OTOF: variants seen among roughly 807,000 people sequenced by gnomAD.
OTOF encodes the protein otoferlin.
A neutral mutation model predicts 236.8 loss-of-function variants in OTOF; 218 were observed. That is an observed-to-expected ratio of 0.92 (90% confidence interval 0.82 to 1.03). OTOF has a LOEUF of 1.03. OTOF is among the 50% of genes least tolerant of loss of function. OTOF has a pLI of 0.00. For missense variants in OTOF, 2,590 were observed against 2,694.4 expected, an observed-to-expected ratio of 0.96 and a Z score of 0.86; for synonymous variants, 1,041 against 1,072.5, an observed-to-expected ratio of 0.97 and a Z score of 0.57.
intron 1 of OTOF, among the ~76,000 whole-genome samples, chr2:26,539,155 C>T (rs562313480): frequency 3.3e-5 from 5 of 152,142 alleles, no homozygotes; most frequent in African/African-American, 9.6e-5. Context: ...GGTACAATTT[C>T]GCACAAGAAA....
chr2:26,531,994 G>T (rs2148117068), intron 2 of OTOF, among the ~76,000 whole-genome samples: 1 of 150,822 alleles, frequency 6.6e-6, no homozygotes, highest in South Asian at 2.1e-4. Flanking sequence ...TTGGGAGGCT[G>T]AGGCAGGAGA....
At chr2:26,531,289 C>T (rs111682250) in intron 2 of OTOF, among the ~76,000 whole-genome samples, 1 of 152,154 alleles carries the variant, frequency 6.6e-6, no homozygotes, top group Non-Finnish European at 1.5e-5. Context: ...TGGGAGTCTC[C>T]GTGGTGTTGC....
At position 26,518,082 on chromosome 2, in the gene OTOF, T is replaced by C. The variant is rs756014029; in HGVS notation, c.327+928A>G. 3.8e-4 allele frequency among the ~76,000 whole-genome samples: 58 copies of C among 152,324 alleles called. 1 individual carries two copies. Among genetic ancestry groups the C allele is most frequent in the Admixed American group, 9.2e-4 (14 of 15,298 alleles). On this transcript the variant is annotated intron_variant, in intron 4 of 46. Transcript: ENST00000272371. ...TGGGAGAAGAGGGTTCCTTCTGTTC[T>C]AGCTCCCTGTGGCTGCAGTCCTGGC...
chr2:26,556,145 C>T (rs1037073819), intron 1 of OTOF, among the ~76,000 whole-genome samples: 1 of 152,228 alleles, frequency 6.6e-6, no homozygotes, highest in African/African-American at 2.4e-5. Context: ...AGGGCTCCCT[C>T]ACCACCTCCC....
At chr2:26,482,681 GA>G in intron 13 of OTOF, 89 bp from the exon 14 acceptor site, 4 of 1,105,494 alleles carry the variant, frequency 3.6e-6, no homozygotes, top group Non-Finnish European at 5.4e-6. Context: ...ATGTGTGCGT[GA>G]GTGGGCACAT....
intron 1 of OTOF, among the ~76,000 whole-genome samples, chr2:26,541,083 TAGA>T (rs893600817): frequency 2.6e-5 from 4 of 152,188 alleles, no homozygotes; most frequent in Admixed American, 6.5e-5. Context: ...CTTTGCATCC[TAGA>T]AGATTTTAAT....
chr2:26,527,118 A>G (rs1049911383), intron 3 of OTOF, among the ~76,000 whole-genome samples: 1 of 152,246 alleles, frequency 6.6e-6, no homozygotes, highest in Non-Finnish European at 1.5e-5. Flanking sequence ...TAACGCTCGT[A>G]TGGCAGGTGT....
chr2:26,470,717 T>C lies in OTOF; in HGVS notation c.3899A>G (p.Glu1300Gly). Reference protein sequence around the residue: ...SEAVVKVDVAEEEKEKKKKKK... With the variant: ...SEAVVKVDVAGEEKEKKKKKK... ...CTTCTTCTTCTTCTCCTTCTCCTCCTCAGCCTGCAGGTTGGCCAGGTCCAG... is the reference window on the plus strand; with the variant it reads ...CTTCTTCTTCTTCTCCTTCTCCTCCCCAGCCTGCAGGTTGGCCAGGTCCAG... Residue 1300 changes from glutamate to glycine, a missense_variant, in exon 32 of 47, where the codon GAG becomes GGG. Glu to Gly is a moderately conservative substitution (Grantham distance 98). Around this residue, in one of 2 missense-constraint regions of OTOF, gnomAD observed 1,211 missense variants for 1,352.8 expected, o/e 0.90. Transcript: ENST00000272371. This position sits in a 1 kb window ranked among gnomAD's most constrained non-coding sequence, Gnocchi z 4.3. The C allele has an allele frequency of 6.2e-7, 1 of 1,613,240 alleles. No individual in the cohort carries two copies. The highest frequency in any genetic ancestry group is 8.5e-7 in the Non-Finnish European group (1 of 1,179,966).
intron 5 of OTOF, among the ~76,000 whole-genome samples, chr2:26,507,763 A>C (rs1006737055): frequency 2.0e-5 from 3 of 152,254 alleles, no homozygotes; most frequent in Non-Finnish European, 1.5e-5. Context: ...CTGAGGATTT[A>C]GAATCCGTTT....
rs1664258517 is a variant in OTOF, at chr2:26,457,853, G to A, written c.*385C>T. The A allele has an allele frequency of 1.6e-6, 1 of 624,678 alleles. No homozygotes were observed. The highest frequency in any genetic ancestry group is 2.8e-6 in the Non-Finnish European group (1 of 358,010). The allele number at this position is 624,678 out of a possible 1,614,324, so 38.7% of individuals were successfully genotyped here. A position where few individuals can be genotyped will look rare whatever the true frequency, so the allele number is the denominator to read the frequency against. ...CCACAGGCAGGGGTCAGAGGGGCGG[G>A]ACTGGGCAAGCCGCAGCCTGGGGCA... On this transcript the variant is annotated 3_prime_UTR_variant, in exon 47 of 47. Transcript: ENST00000272371. The surrounding 1 kb of genome is among the most constrained non-coding windows in gnomAD (Gnocchi z 4.4).
At position 26,479,323 on chromosome 2, in the gene OTOF, G is replaced by T. The variant is rs746632875; in HGVS notation, c.2155C>A (p.Pro719Thr). ...KPCIYIKSWW[P>T]DQRRRLYNAN... ...TTGTAGAGGCGGCGGCGCTGGTCCG[G>T]CCACCAGCTCTTGATGTAGATGCAG... is the stretch of plus-strand genomic sequence containing the variant. The change falls in exon 18 of 47, where the codon CCG becomes ACG. Residue 719 changes from proline (P) to threonine (T), a missense_variant. Physicochemically the swap from Pro to Thr is conservative, Grantham distance 38. Around this residue, in one of 2 missense-constraint regions of OTOF, gnomAD observed 1,379 missense variants for 1,341.6 expected, o/e 1.03. Transcript: ENST00000272371. The T allele has an allele frequency of 6.2e-7, 1 of 1,612,464 alleles. No homozygotes were observed. Among genetic ancestry groups the T allele is most frequent in the Admixed American group, 1.7e-5 (1 of 59,932 alleles).
Position 26,480,281 on chromosome 2 carries a change from G to C in OTOF, c.1834C>G (p.Leu612Val). ...SCAGKMEEFF[L>V]FGAFLEASMI... ...GAGGCCTCCAGGAAGGCTCCAAAGA[G>C]AAAGAATTCTTCCATTTTACCTGCA... Residue 612 changes from leucine (L) to valine (V), a missense_variant, in exon 16 of 47, where the codon CTC becomes GTC. Physicochemically the swap from Leu to Val is conservative, Grantham distance 32. This residue lies in a region of OTOF where 1,379 missense variants were observed against 1,341.6 expected (regional missense o/e 1.03). Transcript: ENST00000272371. The C allele has an allele frequency of 6.2e-7, 1 of 1,611,878 alleles. No homozygotes were observed. The highest frequency in any genetic ancestry group is 8.5e-7 in the Non-Finnish European group (1 of 1,178,750).
chr2:26,486,067 G>C (rs1379920284), intron 11 of OTOF, among the ~76,000 whole-genome samples: 1 of 152,208 alleles, frequency 6.6e-6, no homozygotes, highest in Non-Finnish European at 1.5e-5. Flanking sequence ...TGCCTGGCCG[G>C]CTGAGAGATA....
chr2:26,537,145 G>A (rs796647770), intron 2 of OTOF, among the ~76,000 whole-genome samples: 11 of 152,340 alleles, frequency 7.2e-5, no homozygotes, highest in African/African-American at 2.6e-4. Flanking sequence ...CTTTTCTCAT[G>A]GAACCCCCAG....
intron 14 of OTOF, 109 bp from the exon 15 acceptor site, chr2:26,481,118 A>G: frequency 1.3e-6 from 1 of 760,388 alleles, no homozygotes; most frequent in Non-Finnish European, 2.3e-6. Flanking sequence ...TGCTGAGCTG[A>G]GAACTTCATG....
chr2:26,525,416 A>G (rs1296591599), intron 3 of OTOF, among the ~76,000 whole-genome samples: 1 of 152,164 alleles, frequency 6.6e-6, no homozygotes, highest in Non-Finnish European at 1.5e-5. Flanking sequence ...AAGACAGCAC[A>G]TTGGCTGGAA....
chr2:26,489,139 GGGAAGGGCCCCGTGCAC>G, intron 11 of OTOF, 55 bp downstream of exon 11: 1 of 1,099,814 alleles, frequency 9.1e-7, no homozygotes, highest in Admixed American at 2.0e-5. Flanking sequence ...CTGCCACAGT[GGGAAGGGCCCCGTGCAC>G]CACGCTCCCT....
chr2:26,507,750 C>A, intron 5 of OTOF, among the ~76,000 whole-genome samples: 1 of 152,152 alleles, frequency 6.6e-6, no homozygotes, highest in East Asian at 1.9e-4. Flanking sequence ...ATCCCAGGAC[C>A]CTCTGAGGAT....
intron 46 of OTOF, among the ~76,000 whole-genome samples, chr2:26,459,204 G>A (rs1446836511): frequency 6.6e-6 from 1 of 152,182 alleles, no homozygotes; most frequent in Non-Finnish European, 1.5e-5. Context: ...GCTAACCCTG[G>A]CCACACCCTT....
Sources: gnomAD v4.1 joint callset for allele counts (sites outside exome capture counted in the v4.1 genomes callset) on GRCh38, gnomAD v4.1.1 for gene constraint, gnomAD v4.1.1 regional missense constraint, Gnocchi (gnomAD v3.1) non-coding constraint, MANE v1.5 for transcripts, NCBI Gene and HGNC (gene_info 2026-07-23, HGNC 2026-07-21) for gene names.